The following DGKG variants were observed in gnomAD, a reference collection of about 807,000 sequenced individuals.
DGKG encodes the protein diacylglycerol kinase gamma.
In DGKG, 78 loss-of-function variants were observed where a neutral mutation model predicts 105.3. That is an observed-to-expected ratio of 0.74 (90% CI 0.62 to 0.89). The LOEUF (loss-of-function observed/expected upper bound fraction) is 0.89, where lower values mean the gene tolerates loss of function less well. Among genes scored for constraint, DGKG ranks in the 40% least tolerant of loss-of-function variants. DGKG has a pLI of 0.00. For synonymous variants in DGKG, 346 were observed against 367.1 expected (o/e 0.94, Z 0.66); for missense variants, 958 against 1,020.1 (o/e 0.94, Z 0.83).
intron 9 of DGKG, chr3:186,279,638 T>A: frequency 2.2e-6 from 1 of 460,038 alleles, no homozygotes; most frequent in South Asian, 3.3e-5. Flanking sequence ...ACAGTATTTT[T>A]AAAGTAGTAA....
At chr3:186,264,150 G>A (rs1367443190) in intron 14 of DGKG, among the ~76,000 whole-genome samples, 1 of 152,232 alleles carries the variant, frequency 6.6e-6, no homozygotes, top group Admixed American at 6.5e-5. Context: ...CATGTATCGG[G>A]TGTGGATATG....
At position 186,306,986 on chromosome 3, in the gene DGKG, A is replaced by G; in HGVS notation, c.68-9T>C. The G allele has an allele frequency of 6.3e-7, 1 of 1,591,878 alleles. No homozygotes were observed. Among genetic ancestry groups the G allele is most frequent in the Non-Finnish European group, 8.6e-7 (1 of 1,160,066 alleles). The stretch of plus-strand genomic sequence containing the variant: ...TATCTTCTTGGAGGAATCTGAAGAG[A>G]CACAATTCACATGTGAAACACTGGC... On this transcript the variant is annotated splice_polypyrimidine_tract_variant and intron_variant, in intron 2 of 24. Transcript: ENST00000265022.
chr3:186,188,660 T>C (rs538602416), intron 21 of DGKG, among the ~76,000 whole-genome samples: 49 of 152,312 alleles, frequency 3.2e-4, no homozygotes, highest in African/African-American at 1.2e-3. Context: ...GCTTTAGGGC[T>C]GGTTCTTAAG....
chr3:186,323,260 C>A (rs141872827), intron 1 of DGKG, among the ~76,000 whole-genome samples: 7 of 152,180 alleles, frequency 4.6e-5, no homozygotes, highest in South Asian at 2.1e-4. Context: ...CCTTTAGAAA[C>A]CTTTGCCATC....
intron 14 of DGKG, among the ~76,000 whole-genome samples, chr3:186,264,829 G>C (rs576053971): frequency 6.6e-6 from 1 of 152,290 alleles, no homozygotes; most frequent in East Asian, 1.9e-4. Context: ...GAGTTCTTAA[G>C]TATACATTTA....
chr3:186,248,558 A>T (rs940745256), intron 19 of DGKG, among the ~76,000 whole-genome samples: 6 of 152,228 alleles, frequency 3.9e-5, no homozygotes, highest in African/African-American at 1.2e-4. Flanking sequence ...TAAAAATGCC[A>T]GTTCCCAGAC....
chr3:186,320,333 G>A (rs776052442), intron 2 of DGKG, 60 bp downstream of exon 2: 1 of 1,607,256 alleles, frequency 6.2e-7, no homozygotes, highest in Non-Finnish European at 8.5e-7. Flanking sequence ...ATGCTTTCCA[G>A]AAATGATTTC....
At chr3:186,298,390 G>T (rs1723701794) in intron 3 of DGKG, among the ~76,000 whole-genome samples, 161 bp from the exon 4 acceptor site, 1 of 152,212 alleles carries the variant, frequency 6.6e-6, no homozygotes. Flanking sequence ...GGCCAGGGAA[G>T]TGATAGACAA....
chr3:186,148,785 A>G lies in DGKG; in HGVS notation c.*1305T>C. 1 of 985,580 alleles carries G rather than the reference A, an allele frequency of 1.0e-6. No homozygotes were observed. The highest frequency in any genetic ancestry group is 1.7e-5 in the African/African-American group (1 of 57,268). The allele number at this position is 985,580 out of a possible 1,614,324, so 61.1% of individuals were successfully genotyped here. A position where few individuals can be genotyped will look rare whatever the true frequency, so the allele number is the denominator to read the frequency against. On this transcript the variant is annotated 3_prime_UTR_variant, in exon 25 of 25. Transcript: ENST00000265022. ...GGAGTTCTCGGTCTCTTCGTTCATAATAGGGAGCTACTTTCATTCCCCTTA... is the reference window on the plus strand; with the variant it reads ...GGAGTTCTCGGTCTCTTCGTTCATAGTAGGGAGCTACTTTCATTCCCCTTA...
chr3:186,229,828 A>C (rs73054275), intron 20 of DGKG, among the ~76,000 whole-genome samples: 4,635 of 152,302 alleles, frequency 0.03, 244 homozygotes, highest in African/African-American at 0.11. Context: ...AGTTCAGTGG[A>C]TCCTGAAGAG....
At chr3:186,250,988 G>A (rs1279297161) in intron 19 of DGKG, among the ~76,000 whole-genome samples, 1 of 152,072 alleles carries the variant, frequency 6.6e-6, no homozygotes, top group East Asian at 1.9e-4. Flanking sequence ...CTGGGAAGCA[G>A]TGCCCACTCC....
intron 3 of DGKG, among the ~76,000 whole-genome samples, chr3:186,301,130 T>C (rs1723900528): frequency 6.6e-6 from 1 of 152,216 alleles, no homozygotes. Context: ...TCCAGACCTT[T>C]TCTATGTCCA....
Position 186,273,009 on chromosome 3 carries a change from C to T in DGKG, c.911-666G>A, listed in dbSNP as rs114147100. Among the ~76,000 whole-genome samples, 1,285 of 152,204 alleles carry T rather than the reference C, an allele frequency of 8.4e-3. 19 individuals carry two copies. Among genetic ancestry groups the T allele is most frequent in the African/African-American group, 0.03 (1,236 of 41,514 alleles). ...CTCCCTAAGTGCTGGTGTAAGCCAC[C>T]GCACCTGGCCAAGGTCAGGGCTTTT... On this transcript the variant is annotated intron_variant, in intron 10 of 24. Coordinates refer to ENST00000265022, the MANE Select transcript of DGKG (RefSeq NM_001346.3).
intron 21 of DGKG, among the ~76,000 whole-genome samples, chr3:186,200,941 G>T (rs1050408365): frequency 1.3e-5 from 2 of 152,196 alleles, no homozygotes; most frequent in African/African-American, 4.8e-5. Context: ...GCTGGAAGGG[G>T]GTGTTGGCAG....
chr3:186,349,684 C>T (rs1162142299), intron 1 of DGKG, among the ~76,000 whole-genome samples: 1 of 152,118 alleles, frequency 6.6e-6, no homozygotes, highest in Admixed American at 6.6e-5. Context: ...TCTGAGGGGC[C>T]ATTGGATACG....
chr3:186,167,567 A>AGTCAGT (rs1716607592), intron 22 of DGKG, among the ~76,000 whole-genome samples: 1 of 152,216 alleles, frequency 6.6e-6, no homozygotes, highest in Non-Finnish European at 1.5e-5. Flanking sequence ...ACAGAATGCA[A>AGTCAGT]GTCAGTGTCT....
Position 186,149,316 on chromosome 3 carries a change from C to G in DGKG, c.*774G>C, listed in dbSNP as rs1415714272. ...ATCCCAGTTTCTCCGCTCTCCCTCC[C>G]AGGTGTTCACAGAACTAAGAAAATA... On this transcript the variant is annotated 3_prime_UTR_variant, in exon 25 of 25. Transcript: ENST00000265022. 9 of 985,234 alleles carry G rather than the reference C, an allele frequency of 9.1e-6. No homozygotes were observed. The highest frequency in any genetic ancestry group is 9.6e-6 in the Non-Finnish European group (8 of 829,926). The allele number at this position is 985,234 out of a possible 1,614,324, so 61.0% of individuals were successfully genotyped here.
chr3:186,201,921 C>T (rs900358838), intron 21 of DGKG, among the ~76,000 whole-genome samples: 26 of 152,198 alleles, frequency 1.7e-4, no homozygotes, highest in African/African-American at 6.0e-4. Flanking sequence ...GCCCCTTTAT[C>T]AACTAAATGG....
intron 5 of DGKG, among the ~76,000 whole-genome samples, chr3:186,291,074 G>T (rs1161602609): frequency 6.6e-6 from 1 of 152,136 alleles, no homozygotes; most frequent in East Asian, 1.9e-4. Flanking sequence ...GATCCAAAAA[G>T]ATCAGACTGT....
Sources: allele counts gnomAD v4.1 joint callset (sites outside exome capture counted in the v4.1 genomes callset), GRCh38; gene constraint gnomAD v4.1.1; transcripts MANE v1.5; gene names NCBI Gene and HGNC (gene_info 2026-07-23, HGNC 2026-07-21).